The following MUTYH variants were observed in gnomAD, a reference collection of about 807,000 sequenced individuals.
MUTYH encodes the protein mutY DNA glycosylase.
Under a neutral mutation model 72.9 loss-of-function variants are expected in MUTYH, and 64 were observed. The observed-to-expected ratio is 0.88, with a 90% CI of 0.72 to 1.08. The LOEUF (loss-of-function observed/expected upper bound fraction) is 1.08. Ranked by LOEUF, MUTYH falls within the 50% of genes least tolerant of loss-of-function variation. The pLI is 0.00. For synonymous variants in MUTYH, 234 were observed against 263.1 expected (o/e 0.89, Z 1.07); for missense variants, 633 against 671.0 (o/e 0.94, Z 0.63).
chr1:45,332,580 A>C lies in MUTYH; in HGVS notation c.600T>G (p.Phe200Leu). ...YTAGAIASIAFGQATGVVDGN... is the reference protein window; with the variant it reads ...YTAGAIASIALGQATGVVDGN... ...GGGTGGGCTGTGAGATCACCTGGCC[A>C]AAGGCGATAGAGGCAATGGCCCCAG... Residue 200 changes from phenylalanine (F) to leucine (L), a missense_variant, in exon 8 of 16, where the codon TTT becomes TTG. By Grantham distance (22) the Phe-to-Leu change is conservative. Transcript: ENST00000456914. 6.2e-7 allele frequency: 1 copy of C among 1,614,088 alleles called. No homozygotes were observed. The highest frequency in any genetic ancestry group is 1.3e-5 in the African/African-American group (1 of 75,040).
At chr1:45,339,692 T>A (rs1646645178) in intron 1 of MUTYH, 14 of 559,522 alleles carry the variant, frequency 2.5e-5, no homozygotes, top group South Asian at 2.4e-4. Context: ...CTGGGCAGCC[T>A]CCTCCGATGG....
intron 15 of MUTYH, among the ~76,000 whole-genome samples, chr1:45,329,642 A>G (rs1249358604): frequency 6.6e-6 from 1 of 152,090 alleles, no homozygotes; most frequent in South Asian, 2.1e-4. Context: ...TTGTCCTAAA[A>G]ATGCAAATCT....
intron 1 of MUTYH, chr1:45,338,366 G>T: frequency 2.1e-6 from 1 of 479,602 alleles, no homozygotes; most frequent in Admixed American, 2.6e-5. Flanking sequence ...CCACCTTGGG[G>T]CCTCACACAA....
upstream of MUTYH, chr1:45,339,978 C>G (rs1362031886): frequency 6.5e-7 from 1 of 1,528,960 alleles, no homozygotes; most frequent in Non-Finnish European, 8.8e-7. Context: ...AAGATTACCT[C>G]CCGCGAGCTC....
At position 45,339,926 on chromosome 1, in the gene MUTYH, G is replaced by C. The variant is rs1200050611; in HGVS notation, c.-34C>G. On this transcript the variant is annotated 5_prime_UTR_variant, in exon 1 of 16. Coordinates refer to ENST00000456914, the MANE Select transcript of MUTYH (RefSeq NM_001048174.2). ...GCGGCCCACGCTGATGAAGACAGCA[G>C]AACACGGAGGCCCCGCGTTCCCGCC... The C allele has an allele frequency of 1.4e-6, 2 of 1,452,628 alleles. No individual in the cohort carries two copies. The highest frequency in any genetic ancestry group is 9.2e-7 in the Non-Finnish European group (1 of 1,083,896). 90.0% of individuals were successfully genotyped at this position (1,452,628 alleles called of 1,614,324 possible).
chr1:45,339,740 A>G (rs1394059088), intron 1 of MUTYH, 159 bp downstream of exon 1: 7 of 949,854 alleles, frequency 7.4e-6, no homozygotes, highest in African/African-American at 1.7e-5. Context: ...GAGATCACTG[A>G]GCTCTCCATC....
chr1:45,334,468 C>T lies in MUTYH; in HGVS notation c.38G>A (p.Arg13Lys), dbSNP rs587782693. 1 of 1,614,166 alleles carries T rather than the reference C, an allele frequency of 6.2e-7. No individual in the cohort carries two copies. Among genetic ancestry groups the T allele is most frequent in the Admixed American group, 1.7e-5 (1 of 60,026 alleles). ...KPRAAVGSGH[R>K]KQAASQEGRQ... ...CCCTTCCTGGCTGGCTGCCTGCTTC[C>T]TGTGACCACTTCCCACGGCTGCTCG... Residue 13 changes from arginine (R) to lysine (K), a missense_variant, in exon 2 of 16, where the codon AGG becomes AAG. Transcript: ENST00000456914.
At chr1:45,339,840 G>C in intron 1 of MUTYH, 59 bp downstream of exon 1, 6 of 1,330,734 alleles carry the variant, frequency 4.5e-6, no homozygotes, top group Middle Eastern at 2.1e-4. Flanking sequence ...TTTAAGCTCA[G>C]CTCAGGCAGC....
chr1:45,333,460 G>C lies in MUTYH; in HGVS notation c.217C>G (p.Leu73Val), dbSNP rs759170125. 6.2e-7 allele frequency: 1 copy of C among 1,614,118 alleles called. No homozygotes were observed. The highest frequency in any genetic ancestry group is 1.3e-5 in the African/African-American group (1 of 74,936). ...CGTTTCTCTTGGTCGTACCAGCTTA[G>C]CAGGCTCCCTCGGAAGGCTGTGACT... ...AEVTAFRGSL[L>V]SWYDQEKRDL... The change falls in exon 3 of 16, where the codon CTA becomes GTA. Residue 73 changes from leucine to valine, a missense_variant. Coordinates refer to ENST00000456914, the MANE Select transcript of MUTYH (RefSeq NM_001048174.2).
chr1:45,329,546 A>C lies in MUTYH; in HGVS notation c.1435-109T>G, dbSNP rs1644417456. 5 of 1,431,850 alleles carry C rather than the reference A, an allele frequency of 3.5e-6. No homozygotes were observed. In the East Asian group the frequency reaches 1.1e-4, roughly 33 times the overall value. The allele number at this position is 1,431,850 out of a possible 1,614,324, so 88.7% of individuals were successfully genotyped here. A position where few individuals can be genotyped will look rare whatever the true frequency, so the allele number is the denominator to read the frequency against. Reference sequence around the variant, plus strand: ...CGACTCTACTGATCTAGCTAGGCTTAGCCTGGAATGCTGTAGAGCTTTCAT... The same window carrying C: ...CGACTCTACTGATCTAGCTAGGCTTCGCCTGGAATGCTGTAGAGCTTTCAT... On this transcript the variant is annotated intron_variant, in intron 15 of 15. Transcript: ENST00000456914.
upstream of MUTYH, chr1:45,340,136 C>A: frequency 1.3e-6 from 2 of 1,576,354 alleles, no homozygotes; most frequent in South Asian, 1.2e-5. Context: ...GAAGTTCGAC[C>A]CATCGGCGAC....
In MUTYH at chr1:45,339,963, A is replaced by T; in HGVS notation, c.-71T>A. The stretch of plus-strand genomic sequence containing the variant: ...CCCGCGTTCCCGCCGCGAGAGCAGG[A>T]GAGAAAGATTACCTCCCGCGAGCTC... On this transcript the variant is annotated 5_prime_UTR_variant, in exon 1 of 16. Coordinates refer to ENST00000456914, the MANE Select transcript of MUTYH (RefSeq NM_001048174.2). The T allele has an allele frequency of 6.6e-7, 1 of 1,513,468 alleles. No homozygotes were observed. The highest frequency in any genetic ancestry group is 8.9e-7 in the Non-Finnish European group (1 of 1,123,432). The allele number at this position is 1,513,468 out of a possible 1,614,324, so 93.8% of individuals were successfully genotyped here. A position where few individuals can be genotyped will look rare whatever the true frequency, so the allele number is the denominator to read the frequency against.
intron 1 of MUTYH, among the ~76,000 whole-genome samples, chr1:45,337,690 T>C (rs1646107264): frequency 6.6e-6 from 1 of 152,042 alleles, no homozygotes; most frequent in South Asian, 2.1e-4. Flanking sequence ...TGAGCTATGA[T>C]TGTGCCACTG....
chr1:45,333,174 G>T lies in MUTYH; in HGVS notation c.305-4C>A, dbSNP rs767717597. On this transcript the variant is annotated splice_region_variant and splice_polypyrimidine_tract_variant and intron_variant, in intron 4 of 15. Transcript: ENST00000456914. ...AGCATGACCTCTGAGACCCACACTG[G>T]GGGAAAGGGGTTGGCATGAGGACAC... is the stretch of plus-strand genomic sequence containing the variant. The T allele has an allele frequency of 2.7e-5, 44 of 1,614,094 alleles. No individual in the cohort carries two copies. In the South Asian group the frequency reaches 4.3e-4, roughly 16 times the overall value.
chr1:45,331,857 C>T lies in MUTYH; in HGVS notation c.914-8G>A, dbSNP rs757672024. The stretch of plus-strand genomic sequence containing the variant: ...ACTGTCCAGTGTTGGGAGCTGGGAA[C>T]GGAGATCCCCGAACCCTACTCAAGC... On this transcript the variant is annotated splice_polypyrimidine_tract_variant and splice_region_variant and intron_variant, in intron 11 of 15. Transcript: ENST00000456914. The T allele has an allele frequency of 1.3e-5, 21 of 1,598,874 alleles. 1 individual carries two copies. The highest frequency in any genetic ancestry group is 1.2e-4 in the South Asian group (11 of 89,588).
intron 4 of MUTYH, 45 bp downstream of exon 4, chr1:45,333,240 A>G (rs1334349265): frequency 6.2e-7 from 1 of 1,614,090 alleles, no homozygotes; most frequent in East Asian, 2.2e-5. Flanking sequence ...CCCAGACCCA[A>G]GGGCCTCGAG....
chr1:45,333,597 G>A lies in MUTYH; in HGVS notation c.116-36C>T, dbSNP rs1553130580. On this transcript the variant is annotated intron_variant, in intron 2 of 15. Coordinates refer to ENST00000456914, the MANE Select transcript of MUTYH (RefSeq NM_001048174.2). ...CCCAGGACACTCAGCAATCATCCCT[G>A]CACAGGCTGTGCATCAGGGTCTTGG... is the stretch of plus-strand genomic sequence containing the variant. 2 of 1,607,492 alleles carry A rather than the reference G, an allele frequency of 1.2e-6. No individual in the cohort carries two copies. The highest frequency in any genetic ancestry group is 1.7e-6 in the Non-Finnish European group (2 of 1,175,862).
intron 1 of MUTYH, chr1:45,338,380 A>C (rs946211266): frequency 3.7e-5 from 17 of 459,446 alleles, no homozygotes; most frequent in Non-Finnish European, 5.9e-5. Context: ...CACACAATCC[A>C]TTTCCTCTGT....
intron 14 of MUTYH, 148 bp downstream of exon 14, chr1:45,331,034 G>T: frequency 1.9e-6 from 2 of 1,080,240 alleles, no homozygotes; most frequent in Non-Finnish European, 2.7e-6. Context: ...GCAGTCAACC[G>T]AGATAGCGCC....
Sources: gnomAD v4.1 joint callset for allele counts (sites outside exome capture counted in the v4.1 genomes callset) on GRCh38, gnomAD v4.1.1 for gene constraint, MANE v1.5 for transcripts, NCBI Gene and HGNC (gene_info 2026-07-23, HGNC 2026-07-21) for gene names.